Variants in SORCS1 observed in about 807,000 individuals in gnomAD.
The protein encoded by SORCS1 is sortilin related VPS10 domain containing receptor 1.
SORCS1 carries 60 observed loss-of-function variants against 146.1 expected under a neutral mutation model. The ratio of observed to expected loss-of-function variants is 0.41; its 90% CI spans 0.33 to 0.51. SORCS1 has a LOEUF of 0.51. Among genes scored for constraint, SORCS1 ranks in the 20% least tolerant of loss-of-function variants. The pLI is 0.21. For synonymous variants in SORCS1, 637 were observed against 584.0 expected, an observed-to-expected ratio of 1.09 and a Z score of -1.31; for missense variants, 1,352 against 1,487.6, an observed-to-expected ratio of 0.91 and a Z score of 1.50.
In SORCS1 at chr10:106,650,370, C is replaced by A. The variant is rs1849768385; in HGVS notation, c.2475+2012G>T. ...TCCAAGAACCAAGTCTCAGATAGTT[C>A]ACCAGGGCCCTCCTCCTTGATAGGT... On this transcript the variant is annotated intron_variant, in intron 18 of 25. Coordinates refer to ENST00000263054, the MANE Select transcript of SORCS1 (RefSeq NM_052918.5). Among the ~76,000 whole-genome samples, 3 of 152,182 alleles carry A rather than the reference C, an allele frequency of 2.0e-5. No homozygotes were observed. The South Asian group carries it at 6.2e-4, about 32-fold the overall frequency.
chr10:106,927,557 G>T (rs1953125936), intron 2 of SORCS1, among the ~76,000 whole-genome samples: 1 of 151,554 alleles, frequency 6.6e-6, no homozygotes, highest in African/African-American at 2.4e-5. Flanking sequence ...TGCTAGCTCG[G>T]GCAGCCTGTT....
At chr10:107,127,722 C>T (rs568416054) in intron 1 of SORCS1, among the ~76,000 whole-genome samples, 2 of 152,328 alleles carry the variant, frequency 1.3e-5, no homozygotes, top group East Asian at 3.9e-4. Flanking sequence ...GCCTTTCCAT[C>T]TGGCATTGTT....
intron 1 of SORCS1, among the ~76,000 whole-genome samples, chr10:107,007,429 T>C (rs111525236): frequency 4.6e-5 from 7 of 152,256 alleles, no homozygotes; most frequent in African/African-American, 1.7e-4. Context: ...GAGACCCTAA[T>C]GGAGTGGAAA....
chr10:106,587,962 C>G (rs1415187514), intron 24 of SORCS1, among the ~76,000 whole-genome samples: 1 of 152,160 alleles, frequency 6.6e-6, no homozygotes, highest in Non-Finnish European at 1.5e-5. Context: ...GAACAGCGAC[C>G]AAACTGGAAA....
chr10:107,180,860 AC>A, the SORCS1 span, among the ~76,000 whole-genome samples: 605 of 152,232 alleles, frequency 4.0e-3, 6 homozygotes, highest in African/African-American at 0.014. Context: ...ATCGCCTACT[AC>A]ACACCTAGGC....
At chr10:106,828,914 C>T (rs944333105) in intron 3 of SORCS1, among the ~76,000 whole-genome samples, 1 of 152,116 alleles carries the variant, frequency 6.6e-6, no homozygotes, top group Non-Finnish European at 1.5e-5. Flanking sequence ...CTAATTATGG[C>T]CATAACTCTG....
chr10:107,170,127 C>T, the SORCS1 span, among the ~76,000 whole-genome samples: 4 of 152,108 alleles, frequency 2.6e-5, no homozygotes, highest in Admixed American at 2.0e-4. Context: ...ATTAACATAA[C>T]TTTATTATAG....
At position 107,164,073 on chromosome 10, in the gene SORCS1, G is replaced by C; in HGVS notation, c.454C>G (p.Arg152Gly). The stretch of plus-strand genomic sequence containing the variant: ...AGTCTCAGCTCCTCCATCCGGAAGC[G>C]GGTGGCTTTGTCCGGGTCCCGCTCC... ...TRERDPDKAT[R>G]FRMEELRLTS... Residue 152 changes from arginine (R) to glycine (G), a missense_variant, in exon 1 of 26, where the codon CGC becomes GGC. Coordinates refer to ENST00000263054, the MANE Select transcript of SORCS1 (RefSeq NM_052918.5). This position sits in a 1 kb window ranked among gnomAD's most constrained non-coding sequence, Gnocchi z 6.8. 6.2e-7 allele frequency: 1 copy of C among 1,613,972 alleles called. No homozygotes were observed. Among genetic ancestry groups the C allele is most frequent in the Non-Finnish European group, 8.5e-7 (1 of 1,180,016 alleles).
intron 17 of SORCS1, among the ~76,000 whole-genome samples, chr10:106,654,559 G>C (rs1850133263): frequency 6.6e-6 from 1 of 152,192 alleles, no homozygotes; most frequent in Non-Finnish European, 1.5e-5. Context: ...TTGTGTTCCA[G>C]ATATTCAAAG....
At chr10:106,692,646 A>G (rs1037573620) in intron 9 of SORCS1, among the ~76,000 whole-genome samples, 1 of 152,224 alleles carries the variant, frequency 6.6e-6, no homozygotes, top group African/African-American at 2.4e-5. Flanking sequence ...GTTTTAAAGG[A>G]AAGATATAAC....
intron 1 of SORCS1, among the ~76,000 whole-genome samples, chr10:107,098,714 T>G (rs1251659270): frequency 6.6e-6 from 1 of 152,232 alleles, no homozygotes; most frequent in African/African-American, 2.4e-5. Context: ...TTGAAGATAT[T>G]GCTCTAAAGC....
intron 1 of SORCS1, among the ~76,000 whole-genome samples, chr10:107,082,596 C>T (rs374044048): frequency 2.0e-5 from 3 of 152,086 alleles, no homozygotes; most frequent in African/African-American, 4.8e-5. Context: ...TCCTGCCTCA[C>T]TCAGCCTCCA....
chr10:107,063,824 T>TCA (rs1564989814), intron 1 of SORCS1, among the ~76,000 whole-genome samples: 2 of 152,206 alleles, frequency 1.3e-5, no homozygotes, highest in African/African-American at 2.4e-5. Context: ...TTGCAACTTC[T>TCA]TCCTCATTCC....
chr10:107,176,846 T>A, the SORCS1 span, among the ~76,000 whole-genome samples: 2 of 152,072 alleles, frequency 1.3e-5, no homozygotes, highest in African/African-American at 4.8e-5. Flanking sequence ...ATATAGTGTT[T>A]TATATATATA....
At chr10:106,779,554 T>C (rs1860734801) in intron 3 of SORCS1, among the ~76,000 whole-genome samples, 1 of 150,722 alleles carries the variant, frequency 6.6e-6, no homozygotes, top group African/African-American at 2.4e-5. Flanking sequence ...CATATTTTTT[T>C]TTTTTTTTTT....
chr10:107,051,889 A>G (rs560168203), intron 1 of SORCS1, among the ~76,000 whole-genome samples: 1 of 152,162 alleles, frequency 6.6e-6, no homozygotes, highest in African/African-American at 2.4e-5. Flanking sequence ...TGACTTAAGG[A>G]CTAAGAAAAT....
In SORCS1 at chr10:106,793,904, C is replaced by A. The variant is rs192456021; in HGVS notation, c.727-17212G>T. Among the ~76,000 whole-genome samples, 456 of 152,276 alleles carry A rather than the reference C, an allele frequency of 3.0e-3. 1 individual carries two copies. Among genetic ancestry groups the A allele is most frequent in the Non-Finnish European group, 4.5e-3 (305 of 68,016 alleles). ...TATGTCTCCCCAATTTAACACTTGC[C>A]AACAATGTAAATGAGCACATGTGCC... is the stretch of plus-strand genomic sequence containing the variant. On this transcript the variant is annotated intron_variant, in intron 3 of 25. Transcript: ENST00000263054.
At chr10:106,595,237 G>A (rs1845837326) in intron 24 of SORCS1, among the ~76,000 whole-genome samples, 1 of 152,172 alleles carries the variant, frequency 6.6e-6, no homozygotes, top group African/African-American at 2.4e-5. Context: ...CAGTTTATGA[G>A]GGCAGAGACT....
intron 1 of SORCS1, among the ~76,000 whole-genome samples, chr10:106,972,393 A>G (rs1448580963): frequency 6.6e-6 from 1 of 152,072 alleles, no homozygotes; most frequent in African/African-American, 2.4e-5. Context: ...AAAAAAAAAA[A>G]AAAAAAATTA....
Sources: gnomAD v4.1 joint callset for allele counts (sites outside exome capture counted in the v4.1 genomes callset) on GRCh38, gnomAD v4.1.1 for gene constraint, Gnocchi (gnomAD v3.1) non-coding constraint, MANE v1.5 for transcripts, NCBI Gene and HGNC (gene_info 2026-07-23, HGNC 2026-07-21) for gene names.